The following STIMATE variants were observed in gnomAD, a reference collection of about 807,000 sequenced individuals.
The protein encoded by STIMATE is store-operated calcium entry regulator STIMATE.
A neutral mutation model predicts 36.7 loss-of-function variants in STIMATE; 15 were observed. The observed-to-expected ratio is 0.41, with a 90% CI of 0.27 to 0.63. The LOEUF (loss-of-function observed/expected upper bound fraction) is 0.63. Among genes scored for constraint, STIMATE ranks in the 20% least tolerant of loss-of-function variants. The probability of loss-of-function intolerance (pLI) is 0.32; values close to 1 mark genes in which losing one functional copy is unlikely to be tolerated. For missense variants in STIMATE, 305 were observed against 397.3 expected (o/e 0.77, Z 1.98); for synonymous variants, 163 against 162.3 (o/e 1.00, Z -0.03).
chr3:52,860,327 A>G (rs1655147415), intron 1 of STIMATE, among the ~76,000 whole-genome samples: 1 of 151,808 alleles, frequency 6.6e-6, no homozygotes, highest in South Asian at 2.1e-4. Flanking sequence ...GTGAAGAGAG[A>G]AGAGGGCTGG....
At chr3:52,843,918 C>A in intron 5 of STIMATE, 120 bp from the exon 6 acceptor site, 2 of 1,323,362 alleles carry the variant, frequency 1.5e-6, no homozygotes, top group East Asian at 2.4e-5. Flanking sequence ...CTCCAAAGCC[C>A]AATGGGAGCA....
intron 1 of STIMATE, among the ~76,000 whole-genome samples, chr3:52,885,749 T>C (rs1575349333): frequency 6.6e-6 from 1 of 152,242 alleles, no homozygotes; most frequent in African/African-American, 2.4e-5. Flanking sequence ...GTCTTCTCAA[T>C]GCAGCGAGAC....
At chr3:52,858,435 C>A (rs1343867593) in intron 1 of STIMATE, among the ~76,000 whole-genome samples, 2 of 151,926 alleles carry the variant, frequency 1.3e-5, no homozygotes, top group African/African-American at 4.8e-5. Context: ...CCAGCCCGGG[C>A]AACACCGTGA....
At position 52,840,257 on chromosome 3, in the gene STIMATE, T is replaced by C; in HGVS notation, c.*237A>G. On this transcript the variant is annotated 3_prime_UTR_variant, in exon 8 of 8. Transcript: ENST00000355083. ...GCTCCTTCCTTGCATATTTGGTCAG[T>C]GTTTGTAGTGCAACTGAATGGGGAC... 1 of 453,746 alleles carries C rather than the reference T, an allele frequency of 2.2e-6. No homozygotes were observed. The highest frequency in any genetic ancestry group is 4.0e-6 in the Non-Finnish European group (1 of 250,948). The allele number at this position is 453,746 out of a possible 1,614,324, so 28.1% of individuals were successfully genotyped here.
intron 3 of STIMATE, 149 bp from the exon 4 acceptor site, chr3:52,850,062 T>G (rs1240413234): frequency 3.6e-6 from 5 of 1,375,198 alleles, no homozygotes; most frequent in Admixed American, 2.9e-5. Flanking sequence ...CCAGTGTAGC[T>G]GTCACTACCA....
rs200113680 is a variant in STIMATE, at chr3:52,879,844, G to T, written c.160+17447C>A. 1.2e-4 allele frequency among the ~76,000 whole-genome samples: 19 copies of T among 152,294 alleles called. No individual in the cohort carries two copies. In the East Asian group the frequency reaches 3.7e-3, roughly 29 times the overall value. On this transcript the variant is annotated intron_variant, in intron 1 of 7. Coordinates refer to ENST00000355083, the MANE Select transcript of STIMATE (RefSeq NM_198563.5). ...GGCAGAGAGCTTGCTTAAAGAACACGTGGAAAAGGAGCTCTGCCTCCTAGC... is the reference window on the plus strand; with the variant it reads ...GGCAGAGAGCTTGCTTAAAGAACACTTGGAAAAGGAGCTCTGCCTCCTAGC...
At chr3:52,889,944 T>G (rs1398754685) in intron 1 of STIMATE, among the ~76,000 whole-genome samples, 1 of 152,212 alleles carries the variant, frequency 6.6e-6, no homozygotes, top group Non-Finnish European at 1.5e-5. Flanking sequence ...GGAAAGCCTC[T>G]GAATACACTG....
intron 1 of STIMATE, among the ~76,000 whole-genome samples, chr3:52,859,175 A>T (rs200717995): frequency 9.7e-6 from 1 of 103,514 alleles, no homozygotes; most frequent in Non-Finnish European, 2.0e-5. Context: ...AAAAAATAAA[A>T]TAAATAAAAT....
chr3:52,859,223 T>C (rs1701163436), intron 1 of STIMATE, among the ~76,000 whole-genome samples: 1 of 150,398 alleles, frequency 6.6e-6, no homozygotes, highest in Admixed American at 6.6e-5. Flanking sequence ...GGTAGATCTA[T>C]ATGGGCTAAT....
chr3:52,851,556 T>TAA (rs1700998471), intron 3 of STIMATE, among the ~76,000 whole-genome samples: 2 of 152,226 alleles, frequency 1.3e-5, no homozygotes, highest in African/African-American at 4.8e-5. Context: ...TGCCTGCCCT[T>TAA]CCTCTGTAAA....
intron 1 of STIMATE, among the ~76,000 whole-genome samples, chr3:52,888,689 A>G (rs1315763649): frequency 6.6e-6 from 1 of 152,234 alleles, no homozygotes; most frequent in African/African-American, 2.4e-5. Context: ...AGAGGCCTGG[A>G]AAAGCCCATG....
intron 1 of STIMATE, among the ~76,000 whole-genome samples, chr3:52,883,987 T>TTCTA (rs1701651343): frequency 6.6e-6 from 1 of 152,222 alleles, no homozygotes; most frequent in Non-Finnish European, 1.5e-5. Flanking sequence ...CTATACATCA[T>TTCTA]GATTGTTAGT....
chr3:52,853,508 C>T (rs1701045077), intron 2 of STIMATE, among the ~76,000 whole-genome samples: 2 of 152,172 alleles, frequency 1.3e-5, no homozygotes, highest in Non-Finnish European at 2.9e-5. Flanking sequence ...CTCACAGCCG[C>T]CCAGCTGGGC....
At chr3:52,871,851 T>A (rs1455838835) in intron 1 of STIMATE, among the ~76,000 whole-genome samples, 1 of 152,164 alleles carries the variant, frequency 6.6e-6, no homozygotes, top group Non-Finnish European at 1.5e-5. Context: ...AACCCCCCCA[T>A]GCCTTTCCAC....
intron 4 of STIMATE, chr3:52,846,524 T>C (rs1700906716): frequency 6.6e-6 from 1 of 152,252 alleles, no homozygotes; most frequent in Non-Finnish European, 1.5e-5. Flanking sequence ...TGGAAGGATG[T>C]CCGCTCGCTC....
At chr3:52,887,937 A>G (rs1701715989) in intron 1 of STIMATE, among the ~76,000 whole-genome samples, 1 of 148,610 alleles carries the variant, frequency 6.7e-6, no homozygotes. Context: ...AATCTGCTAA[A>G]TGGATTAATA....
At chr3:52,866,985 G>A (rs1433187690) in intron 1 of STIMATE, among the ~76,000 whole-genome samples, 2 of 152,180 alleles carry the variant, frequency 1.3e-5, no homozygotes, top group African/African-American at 2.4e-5. Flanking sequence ...AGGGAAAGGC[G>A]TGTGGCTGCA....
intron 1 of STIMATE, among the ~76,000 whole-genome samples, chr3:52,886,049 T>C (rs1008890178): frequency 6.6e-6 from 1 of 152,182 alleles, no homozygotes. Context: ...CAGGAAAGAT[T>C]CCTCTGGCTT....
intron 1 of STIMATE, among the ~76,000 whole-genome samples, chr3:52,889,417 C>A (rs1172735372): frequency 1.3e-5 from 2 of 152,180 alleles, no homozygotes; most frequent in Non-Finnish European, 2.9e-5. Context: ...TGGACTATGG[C>A]AGACAATCCA....
Sources: allele counts gnomAD v4.1 joint callset (sites outside exome capture counted in the v4.1 genomes callset), GRCh38; gene constraint gnomAD v4.1.1; transcripts MANE v1.5; gene names NCBI Gene and HGNC (gene_info 2026-07-23, HGNC 2026-07-21).